ARHGAP45: variants seen among roughly 807,000 people sequenced by gnomAD.
ARHGAP45 encodes Rho GTPase activating protein 45.
In ARHGAP45, 56 loss-of-function variants were observed where a neutral mutation model predicts 116.1. The ratio of observed to expected loss-of-function variants is 0.48; its 90% CI spans 0.39 to 0.60. ARHGAP45 has a LOEUF of 0.60. Ranked by LOEUF, ARHGAP45 falls within the 20% of genes least tolerant of loss-of-function variation. The probability of loss-of-function intolerance (pLI) is 0.00; values close to 1 mark genes in which losing one functional copy is unlikely to be tolerated. For missense variants in ARHGAP45, 1,622 were observed against 1,601.0 expected (o/e 1.01, Z -0.22); for synonymous variants, 866 against 701.7 (o/e 1.23, Z -3.70).
intron 19 of ARHGAP45, 22 bp downstream of exon 19, chr19:1,081,983 C>A: frequency 6.2e-7 from 1 of 1,603,220 alleles, no homozygotes. Context: ...CGGTGGTGGC[C>A]AGGCAGAGCC....
chr19:1,077,727 T>A, intron 10 of ARHGAP45, 130 bp from the exon 11 acceptor site: 1 of 1,520,408 alleles, frequency 6.6e-7, no homozygotes, highest in Non-Finnish European at 8.9e-7. Context: ...TGCAGGGTCC[T>A]CTGCATGCCC....
chr19:1,067,569 G>A (rs1436359678), intron 1 of ARHGAP45, 74 bp downstream of exon 1: 4 of 1,389,726 alleles, frequency 2.9e-6, no homozygotes, highest in African/African-American at 2.9e-5. Flanking sequence ...TGTGCTCGGG[G>A]CTCATGCTGG....
chr19:1,083,943 G>T, intron 21 of ARHGAP45, among the ~76,000 whole-genome samples: 1 of 152,156 alleles, frequency 6.6e-6, no homozygotes, highest in South Asian at 2.1e-4. Flanking sequence ...GTTTCACTTT[G>T]TTGGCCAGGC....
intron 11 of ARHGAP45, 151 bp downstream of exon 11, chr19:1,078,196 T>C: frequency 7.6e-7 from 1 of 1,309,428 alleles, no homozygotes; most frequent in Non-Finnish European, 1.0e-6. Flanking sequence ...CAGGCTGGAG[T>C]GCAGTGGCAC....
Position 1,080,063 on chromosome 19 carries a change from G to C in ARHGAP45, c.1648G>C (p.Asp550His). The change falls in exon 13 of 23, where the codon GAC becomes CAC. Residue 550 changes from aspartate (D) to histidine (H), a missense_variant. Asp to His is a moderately conservative substitution (Grantham distance 81, BLOSUM62 -1). This residue lies in a region of ARHGAP45 where 1,334 missense variants were observed against 1,263.8 expected (regional missense o/e 1.06). Coordinates refer to ENST00000313093, the MANE Select transcript of ARHGAP45 (RefSeq NM_012292.5). The part of the protein sequence containing the change: ...YASHVRQLQR[D>H]QEPDVHYDFE... ...CTCCCACGTGCGCCAGCTGCAGCGG[G>C]ACCAGGAGCCCGATGTGCACTACGA... 3.7e-6 allele frequency: 6 copies of C among 1,612,632 alleles called. No individual in the cohort carries two copies. The highest frequency in any genetic ancestry group is 4.2e-6 in the Non-Finnish European group (5 of 1,179,912).
Position 1,079,697 on chromosome 19 carries a change from C to G in ARHGAP45, c.1375-6C>G. 3 of 1,612,362 alleles carry G rather than the reference C, an allele frequency of 1.9e-6. No homozygotes were observed. Among genetic ancestry groups the G allele is most frequent in the Non-Finnish European group, 2.5e-6 (3 of 1,179,612 alleles). On this transcript the variant is annotated splice_polypyrimidine_tract_variant and splice_region_variant and intron_variant, in intron 11 of 22. Coordinates refer to ENST00000313093, the MANE Select transcript of ARHGAP45 (RefSeq NM_012292.5). Reference sequence around the variant, plus strand: ...CCTCTCTCTGTGCGCCCCGCCCCCACCGCAGGCGGAGGAAGCTATGGCCAC... The same window carrying G: ...CCTCTCTCTGTGCGCCCCGCCCCCAGCGCAGGCGGAGGAAGCTATGGCCAC...
In ARHGAP45 at chr19:1,074,789, C is replaced by T; in HGVS notation, c.1105-10C>T. On this transcript the variant is annotated splice_polypyrimidine_tract_variant and intron_variant, in intron 9 of 22. Coordinates refer to ENST00000313093, the MANE Select transcript of ARHGAP45 (RefSeq NM_012292.5). ...ACCGGGGTACCCACTCACGGCCCGT[C>T]TCGCCCCAGCCCCTGACCCTGCGGC... 1.9e-6 allele frequency: 3 copies of T among 1,601,340 alleles called. No individual in the cohort carries two copies. In the South Asian group the frequency reaches 3.4e-5, roughly 18 times the overall value.
chr19:1,074,606 AC>A lies in ARHGAP45; in HGVS notation c.994-5del, dbSNP rs764044863. On this transcript the variant is annotated splice_polypyrimidine_tract_variant and splice_region_variant and intron_variant, in intron 8 of 22. Transcript: ENST00000313093. The stretch of plus-strand genomic sequence containing the variant: ...TCCCCACCCAGTGAGCCGGTGCCCC[AC>A]CCACAGCCCCACATGCCGCTCCTGT... 51 of 1,557,466 alleles carry A rather than the reference AC, an allele frequency of 3.3e-5. No individual in the cohort carries two copies. The highest frequency in any genetic ancestry group is 4.4e-5 in the Non-Finnish European group (51 of 1,150,924).
At chr19:1,072,568 AAAGCC>A (rs1303050474) in intron 2 of ARHGAP45, among the ~76,000 whole-genome samples, 2 of 152,176 alleles carry the variant, frequency 1.3e-5, no homozygotes. Flanking sequence ...GAGGGCAGTG[AAAGCC>A]AGGTTCCAAC....
chr19:1,073,102 C>G lies in ARHGAP45; in HGVS notation c.422-47C>G, dbSNP rs555309982. The G allele has an allele frequency of 7.7e-6, 12 of 1,556,950 alleles. No homozygotes were observed. In the South Asian group the frequency reaches 8.2e-5, roughly 11 times the overall value. On this transcript the variant is annotated intron_variant, in intron 2 of 22. Coordinates refer to ENST00000313093, the MANE Select transcript of ARHGAP45 (RefSeq NM_012292.5). ...GAGGGAGGAGGTGGACAGACTTTCCCTGGGACTGGGCCCTACCCCACTGCT... is the reference window on the plus strand; with the variant it reads ...GAGGGAGGAGGTGGACAGACTTTCCGTGGGACTGGGCCCTACCCCACTGCT...
Position 1,069,695 on chromosome 19 carries a change from T to C in ARHGAP45, c.421+951T>C, listed in dbSNP as rs1415692994. On this transcript the variant is annotated intron_variant, in intron 2 of 22. Transcript: ENST00000313093. This position sits in a 1 kb window ranked among gnomAD's most constrained non-coding sequence, Gnocchi z 4.1. ...AGGGGCGGGGGCTAGGCTGCTTTCC[T>C]GGGGAAACCCTAATCTCGGTTCCTT... is the stretch of plus-strand genomic sequence containing the variant. Among the ~76,000 whole-genome samples the C allele has an allele frequency of 1.3e-5, 2 of 152,114 alleles. No homozygotes were observed. Among genetic ancestry groups the C allele is most frequent in the Admixed American group, 1.3e-4 (2 of 15,280 alleles).
intron 10 of ARHGAP45, chr19:1,077,053 G>A (rs1180885884): frequency 1.6e-5 from 16 of 984,372 alleles, no homozygotes; most frequent in African/African-American, 1.8e-5. Flanking sequence ...GGATGAGTCC[G>A]TTTGTTTGTG....
At chr19:1,082,593 T>TAGC (rs1367837848) in intron 19 of ARHGAP45, 3 of 510,198 alleles carry the variant, frequency 5.9e-6, no homozygotes, top group East Asian at 6.6e-5. Context: ...CTCGTTAGGG[T>TAGC]ACCTGCAGGG....
intron 10 of ARHGAP45, chr19:1,077,583 A>T (rs538308779): frequency 1.6e-6 from 2 of 1,244,644 alleles, no homozygotes; most frequent in East Asian, 5.4e-5. Context: ...ACGGGGTTTC[A>T]CTATGTTGGC....
intron 10 of ARHGAP45, 43 bp from the exon 11 acceptor site, chr19:1,077,814 G>A (rs1044072116): frequency 3.6e-5 from 56 of 1,550,606 alleles, no homozygotes; most frequent in African/African-American, 9.6e-5. Flanking sequence ...AGTCCCATCC[G>A]AGGATAGGGT....
chr19:1,066,061 G>A, upstream of ARHGAP45: 1 of 1,535,686 alleles, frequency 6.5e-7, no homozygotes. Flanking sequence ...AGGGTCTGCT[G>A]GGCTGGGTTT....
At chr19:1,076,481 G>GTTTTTTTTTTTTTTTT (rs1568464614) in intron 10 of ARHGAP45, among the ~76,000 whole-genome samples, 28 of 104,162 alleles carry the variant, frequency 2.7e-4, no homozygotes, top group African/African-American at 8.7e-4. Context: ...GTTGGCAGTA[G>GTTTTTTTTTTTTTTTT]TCTTTTTTTT....
In ARHGAP45 at chr19:1,081,603, G is replaced by T. The variant is rs757920126; in HGVS notation, c.2244G>T (p.Gly748=). The T allele has an allele frequency of 6.5e-7, 1 of 1,549,512 alleles. No homozygotes were observed. The highest frequency in any genetic ancestry group is 1.2e-5 in the South Asian group (1 of 83,992). ...KCLETLAIQC[G]HKKLQGRLQL... ...TGGAGACGCTGGCCATACAGTGCGG[G>T]CACAAGAAGCTGCAAGGCCGCCTGC... The change falls in exon 18 of 23, where the codon GGG becomes GGT. Residue 748 remains glycine (G), a synonymous_variant. Coordinates refer to ENST00000313093, the MANE Select transcript of ARHGAP45 (RefSeq NM_012292.5).
rs1379785441 is a variant in ARHGAP45, at chr19:1,079,680, T to C, written c.1375-23T>C. 3 of 1,611,382 alleles carry C rather than the reference T, an allele frequency of 1.9e-6. No individual in the cohort carries two copies. The Admixed American group carries it at 5.0e-5, about 27-fold the overall frequency. ...TGCACCCCGGGCTGAGGCCTCTCTC[T>C]GTGCGCCCCGCCCCCACCGCAGGCG... On this transcript the variant is annotated intron_variant, in intron 11 of 22. Coordinates refer to ENST00000313093, the MANE Select transcript of ARHGAP45 (RefSeq NM_012292.5).
Sources: gnomAD v4.1 joint callset for allele counts (sites outside exome capture counted in the v4.1 genomes callset) on GRCh38, gnomAD v4.1.1 for gene constraint, gnomAD v4.1.1 regional missense constraint, Gnocchi (gnomAD v3.1) non-coding constraint, MANE v1.5 for transcripts, NCBI Gene and HGNC (gene_info 2026-07-23, HGNC 2026-07-21) for gene names.